CNTNAP2: variants seen among roughly 807,000 people sequenced by gnomAD.
CNTNAP2 encodes contactin-associated protein-like 2.
CNTNAP2 carries 98 observed loss-of-function variants against 155.2 expected under a neutral mutation model. The observed-to-expected ratio is 0.63, with a 90% CI of 0.54 to 0.75. The LOEUF (loss-of-function observed/expected upper bound fraction) is 0.75. CNTNAP2 is among the 30% of genes least tolerant of loss of function. The pLI is 0.00. For synonymous variants in CNTNAP2, 651 were observed against 631.2 expected (o/e 1.03, Z -0.47); for missense variants, 1,727 against 1,688.1 (o/e 1.02, Z -0.40).
At chr7:147,746,358 C>A (rs977059142) in intron 13 of CNTNAP2, among the ~76,000 whole-genome samples, 3 of 152,130 alleles carry the variant, frequency 2.0e-5, no homozygotes, top group Non-Finnish European at 4.4e-5. Context: ...TTTCTTGTGC[C>A]CCTTCTAGTA....
At chr7:146,906,529 C>G (rs1796131888) in intron 3 of CNTNAP2, among the ~76,000 whole-genome samples, 1 of 152,022 alleles carries the variant, frequency 6.6e-6, no homozygotes, top group Admixed American at 6.6e-5. Flanking sequence ...GAGGCACCCC[C>G]CAGCAGGGGC....
chr7:146,167,829 A>C (rs962389105), intron 1 of CNTNAP2, among the ~76,000 whole-genome samples: 2 of 152,162 alleles, frequency 1.3e-5, no homozygotes, highest in Non-Finnish European at 2.9e-5. Context: ...ACAATAGGCC[A>C]TCTGTAAGCT....
At chr7:147,016,957 A>C (rs1281166540) in intron 3 of CNTNAP2, among the ~76,000 whole-genome samples, 2 of 151,740 alleles carry the variant, frequency 1.3e-5, no homozygotes, top group African/African-American at 4.8e-5. Flanking sequence ...GAAGGAAGAG[A>C]GATTGATGAT....
At chr7:147,058,221 G>A (rs999398802) in intron 4 of CNTNAP2, among the ~76,000 whole-genome samples, 2 of 152,270 alleles carry the variant, frequency 1.3e-5, no homozygotes, top group Non-Finnish European at 1.5e-5. Flanking sequence ...ATCAAGAGGA[G>A]ATTGATTAGA....
chr7:146,944,926 A>C (rs1298483404), intron 3 of CNTNAP2, among the ~76,000 whole-genome samples: 2 of 151,824 alleles, frequency 1.3e-5, no homozygotes, highest in East Asian at 3.9e-4. Flanking sequence ...TATGCATAGC[A>C]ATTTAATGGT....
intron 1 of CNTNAP2, among the ~76,000 whole-genome samples, chr7:146,721,042 C>CTA (rs1333702746): frequency 8.6e-6 from 1 of 115,792 alleles, no homozygotes; most frequent in Non-Finnish European, 1.6e-5. Flanking sequence ...TCTATATATT[C>CTA]TATATATATA....
chr7:147,682,593 C>T (rs372969471), intron 13 of CNTNAP2, among the ~76,000 whole-genome samples: 1 of 151,814 alleles, frequency 6.6e-6, no homozygotes, highest in African/African-American at 2.4e-5. Context: ...GCATAATTGT[C>T]GGGTGAGACT....
chr7:147,676,442 T>C (rs1795870893), intron 13 of CNTNAP2, among the ~76,000 whole-genome samples: 2 of 152,012 alleles, frequency 1.3e-5, no homozygotes, highest in Admixed American at 6.6e-5. Context: ...TGTTTTGAAG[T>C]CTATATACAT....
intron 1 of CNTNAP2, among the ~76,000 whole-genome samples, chr7:146,368,900 A>G (rs1427570845): frequency 6.7e-6 from 1 of 150,350 alleles, no homozygotes; most frequent in Non-Finnish European, 1.5e-5. Context: ...ATTCTTCCAT[A>G]CTTTTAAATA....
chr7:146,701,663 A>G (rs866293851), intron 1 of CNTNAP2, among the ~76,000 whole-genome samples: 14 of 150,050 alleles, frequency 9.3e-5, no homozygotes, highest in Middle Eastern at 3.4e-3. Context: ...ATTTTTGTAT[A>G]TACACACACA....
Position 147,216,808 on chromosome 7 carries a change from T to G in CNTNAP2, c.1349-83333T>G, listed in dbSNP as rs182414206. Among the ~76,000 whole-genome samples the G allele has an allele frequency of 2.7e-3, 404 of 152,188 alleles. 1 individual carries two copies. Among genetic ancestry groups the G allele is most frequent in the African/African-American group, 9.1e-3 (378 of 41,572 alleles). On this transcript the variant is annotated intron_variant, in intron 8 of 23. Coordinates refer to ENST00000361727, the MANE Select transcript of CNTNAP2 (RefSeq NM_014141.6). ...TTAACAATATTGAGTCATCCTTTCC[T>G]TGAACATACATTATCTATCCATCTA...
chr7:147,264,787 C>A (rs968553141), intron 8 of CNTNAP2, among the ~76,000 whole-genome samples: 1 of 151,888 alleles, frequency 6.6e-6, no homozygotes, highest in Admixed American at 6.6e-5. Context: ...TTTAAATGAG[C>A]TACAAATGTT....
chr7:146,448,854 G>T (rs751137732), intron 1 of CNTNAP2, among the ~76,000 whole-genome samples: 1 of 151,946 alleles, frequency 6.6e-6, no homozygotes, highest in African/African-American at 2.4e-5. Context: ...ACTTATATCC[G>T]TCTGCTGGAT....
chr7:147,479,070 T>C (rs753059339), intron 10 of CNTNAP2, among the ~76,000 whole-genome samples: 14 of 152,198 alleles, frequency 9.2e-5, no homozygotes, highest in Admixed American at 2.6e-4. Context: ...GTGTGCAGAC[T>C]TTCTTCTCTA....
intron 15 of CNTNAP2, among the ~76,000 whole-genome samples, chr7:148,099,421 T>TTGTGTG (rs35957905): frequency 0.068 from 9,638 of 140,910 alleles, 375 homozygotes; most frequent in African/African-American, 0.076. Context: ...AGCATTGCAA[T>TTGTGTG]TGTGTGTGTG....
intron 8 of CNTNAP2, among the ~76,000 whole-genome samples, chr7:147,212,032 C>A (rs1803158637): frequency 6.6e-6 from 1 of 151,986 alleles, no homozygotes; most frequent in Admixed American, 6.6e-5. Flanking sequence ...AAATGCAAAT[C>A]AAAACTGCAA....
chr7:148,391,546 A>T (rs758925214), intron 22 of CNTNAP2, among the ~76,000 whole-genome samples: 1 of 142,638 alleles, frequency 7.0e-6, no homozygotes, highest in Non-Finnish European at 1.5e-5. Context: ...CTAAACCATT[A>T]TATGGTCCTT....
At chr7:148,365,063 C>T (rs886077771) in intron 21 of CNTNAP2, among the ~76,000 whole-genome samples, 8 of 152,296 alleles carry the variant, frequency 5.3e-5, no homozygotes, top group South Asian at 2.1e-4. Context: ...CGAGGGTCCG[C>T]GGCTTCATTC....
chr7:146,394,211 T>C (rs1795587313), intron 1 of CNTNAP2, among the ~76,000 whole-genome samples: 1 of 152,110 alleles, frequency 6.6e-6, no homozygotes, highest in South Asian at 2.1e-4. Flanking sequence ...ATTACCTGAC[T>C]AATCCAAAAA....
Sources: gnomAD v4.1 joint callset for allele counts (sites outside exome capture counted in the v4.1 genomes callset) on GRCh38, gnomAD v4.1.1 for gene constraint, MANE v1.5 for transcripts, NCBI Gene and HGNC (gene_info 2026-07-23, HGNC 2026-07-21) for gene names.